Variants in CTNNA3 observed in about 807,000 individuals in gnomAD.
The protein encoded by CTNNA3 is catenin alpha 3.
CTNNA3 carries 76 observed loss-of-function variants against 95.7 expected under a neutral mutation model. The ratio of observed to expected loss-of-function variants is 0.79; its 90% CI spans 0.66 to 0.96. The LOEUF (loss-of-function observed/expected upper bound fraction) is 0.96, where lower values mean the gene tolerates loss of function less well. CTNNA3 is among the 40% of genes least tolerant of loss of function. The pLI is 0.00. For missense variants in CTNNA3, 1,191 were observed against 1,089.8 expected (o/e 1.09, Z -1.31); for synonymous variants, 431 against 374.4 (o/e 1.15, Z -1.74).
At chr10:67,635,896 T>G (rs1020867499) in intron 2 of CTNNA3, among the ~76,000 whole-genome samples, 3 of 152,188 alleles carry the variant, frequency 2.0e-5, no homozygotes, top group Admixed American at 2.0e-4. Flanking sequence ...GCAGATGACA[T>G]GATCCTATAT....
At chr10:66,902,928 A>G (rs1845817524) in intron 7 of CTNNA3, among the ~76,000 whole-genome samples, 1 of 152,200 alleles carries the variant, frequency 6.6e-6, no homozygotes, top group Admixed American at 6.5e-5. Flanking sequence ...ACAGATTCAC[A>G]GATGAATTCT....
chr10:67,654,090 A>G (rs1417193970), intron 1 of CTNNA3, among the ~76,000 whole-genome samples: 1 of 152,218 alleles, frequency 6.6e-6, no homozygotes, highest in Non-Finnish European at 1.5e-5. Context: ...CAAGTGCAAG[A>G]CAGCCAGAAG....
At chr10:66,638,499 G>A (rs547652492) in intron 9 of CTNNA3, among the ~76,000 whole-genome samples, 1 of 152,014 alleles carries the variant, frequency 6.6e-6, no homozygotes, top group East Asian at 1.9e-4. Context: ...ATATTCAATT[G>A]ATATTAATAG....
intron 5 of CTNNA3, among the ~76,000 whole-genome samples, chr10:67,482,776 C>A (rs1848286033): frequency 6.6e-6 from 1 of 152,046 alleles, no homozygotes; most frequent in Non-Finnish European, 1.5e-5. Context: ...CCAGAATTTC[C>A]AACACTATAT....
intron 2 of CTNNA3, among the ~76,000 whole-genome samples, chr10:67,630,139 G>C (rs978768760): frequency 6.6e-6 from 1 of 152,142 alleles, no homozygotes; most frequent in African/African-American, 2.4e-5. Flanking sequence ...AAAGTGTCTT[G>C]AGAGCATTAT....
intron 7 of CTNNA3, among the ~76,000 whole-genome samples, chr10:66,980,131 C>T (rs1022798586): frequency 2.0e-5 from 3 of 152,162 alleles, no homozygotes; most frequent in Non-Finnish European, 2.9e-5. Flanking sequence ...GTTTCTATTT[C>T]ATTTCTGAGC....
chr10:66,064,438 A>G (rs901906836), intron 15 of CTNNA3, among the ~76,000 whole-genome samples: 3 of 152,006 alleles, frequency 2.0e-5, no homozygotes, highest in Admixed American at 1.3e-4. Context: ...TCTTTTTTGC[A>G]TCTTAATTTC....
chr10:65,920,275 G>A lies in CTNNA3; in HGVS notation c.*55C>T. 1 of 1,416,488 alleles carries A rather than the reference G, an allele frequency of 7.1e-7. No homozygotes were observed. Among genetic ancestry groups the A allele is most frequent in the Non-Finnish European group, 9.7e-7 (1 of 1,026,150 alleles). The allele number at this position is 1,416,488 out of a possible 1,614,324, so 87.7% of individuals were successfully genotyped here. Reference sequence around the variant, plus strand: ...CAGAACTTCTTAAGTGTAAAATAAAGCAGTGTGGTTAGGCAGGATTTTGTC... The same window carrying A: ...CAGAACTTCTTAAGTGTAAAATAAAACAGTGTGGTTAGGCAGGATTTTGTC... On this transcript the variant is annotated 3_prime_UTR_variant, in exon 18 of 18. Transcript: ENST00000433211.
chr10:67,074,105 G>A (rs1214191302), intron 7 of CTNNA3, among the ~76,000 whole-genome samples: 2 of 128,166 alleles, frequency 1.6e-5, no homozygotes, highest in Admixed American at 9.6e-5. Context: ...GCGCCATCTT[G>A]GCTCATTACA....
In CTNNA3 at chr10:67,441,268, A is replaced by C. The variant is rs530240773; in HGVS notation, c.579+80574T>G. Among the ~76,000 whole-genome samples, 396 of 151,946 alleles carry C rather than the reference A, an allele frequency of 2.6e-3. 1 individual carries two copies. Among genetic ancestry groups the C allele is most frequent in the Middle Eastern group, 0.024 (7 of 294 alleles). Reference sequence around the variant, plus strand: ...AAAATATACAGTGAGAGAAGACAAAAAAAAAAAAAGAATAAAAAGCAATGT... The same window carrying C: ...AAAATATACAGTGAGAGAAGACAAACAAAAAAAAAGAATAAAAAGCAATGT... On this transcript the variant is annotated intron_variant, in intron 5 of 17. Transcript: ENST00000433211.
chr10:66,880,376 T>C (rs996222198), intron 7 of CTNNA3, among the ~76,000 whole-genome samples: 5 of 152,082 alleles, frequency 3.3e-5, no homozygotes, highest in Non-Finnish European at 5.9e-5. Flanking sequence ...CCCAAGTCAC[T>C]GCATAAAGAG....
chr10:67,224,140 G>A (rs543301776), intron 5 of CTNNA3, among the ~76,000 whole-genome samples: 3 of 152,248 alleles, frequency 2.0e-5, no homozygotes, highest in South Asian at 2.1e-4. Flanking sequence ...CAAATTTCAA[G>A]TAAGCAATAC....
chr10:66,294,953 C>A (rs1476556484), intron 12 of CTNNA3, among the ~76,000 whole-genome samples: 1 of 151,378 alleles, frequency 6.6e-6, no homozygotes, highest in Non-Finnish European at 1.5e-5. Context: ...ACAGTTGAAG[C>A]CATGGCAATA....
intron 1 of CTNNA3, among the ~76,000 whole-genome samples, chr10:67,723,252 G>T (rs1841190559): frequency 6.6e-6 from 1 of 151,354 alleles, no homozygotes; most frequent in Admixed American, 6.6e-5. Context: ...CTCCCAAAGT[G>T]CTGGGATTAT....
At chr10:67,508,049 T>C (rs1344809933) in intron 5 of CTNNA3, among the ~76,000 whole-genome samples, 1 of 152,208 alleles carries the variant, frequency 6.6e-6, no homozygotes, top group Non-Finnish European at 1.5e-5. Flanking sequence ...AGTCTTGCTC[T>C]ATCACCCAGG....
chr10:67,117,261 T>TA (rs1290189057), intron 7 of CTNNA3, among the ~76,000 whole-genome samples: 144 of 145,490 alleles, frequency 9.9e-4, no homozygotes, highest in Middle Eastern at 3.6e-3. Context: ...CTCCAATATT[T>TA]AAAAAAAAAA....
intron 7 of CTNNA3, among the ~76,000 whole-genome samples, chr10:67,143,850 T>C (rs912327150): frequency 6.6e-6 from 1 of 152,200 alleles, no homozygotes; most frequent in African/African-American, 2.4e-5. Flanking sequence ...CCTGATAATG[T>C]TGATATTTTG....
chr10:66,795,608 C>G (rs541853073), intron 7 of CTNNA3, among the ~76,000 whole-genome samples: 1 of 152,132 alleles, frequency 6.6e-6, no homozygotes, highest in Non-Finnish European at 1.5e-5. Context: ...ACCAGCTGCT[C>G]TAGCCACCAA....
intron 11 of CTNNA3, among the ~76,000 whole-genome samples, chr10:66,441,870 G>A (rs892777312): frequency 1.3e-5 from 2 of 151,992 alleles, no homozygotes; most frequent in African/African-American, 4.8e-5. Flanking sequence ...GGAGAATTTT[G>A]GTAAAGCAAA....
Sources: allele counts gnomAD v4.1 joint callset (sites outside exome capture counted in the v4.1 genomes callset), GRCh38; gene constraint gnomAD v4.1.1; transcripts MANE v1.5; gene names NCBI Gene and HGNC (gene_info 2026-07-23, HGNC 2026-07-21).